Variants in MAGI2 observed in about 807,000 individuals in gnomAD.
MAGI2 encodes membrane-associated guanylate kinase, WW and PDZ domain-containing protein 2.
A neutral mutation model predicts 133.3 loss-of-function variants in MAGI2; 35 were observed. The ratio of observed to expected loss-of-function variants is 0.26; its 90% CI spans 0.20 to 0.35. MAGI2 has a LOEUF of 0.35. Ranked by LOEUF, MAGI2 falls within the 10% of genes least tolerant of loss-of-function variation. MAGI2 has a pLI of 1.00. For missense variants in MAGI2, 1,636 were observed against 1,863.4 expected, an observed-to-expected ratio of 0.88 and a Z score of 2.25; for synonymous variants, 729 against 710.6, an observed-to-expected ratio of 1.03 and a Z score of -0.41.
chr7:79,359,121 T>A (rs140490857), intron 1 of MAGI2, among the ~76,000 whole-genome samples: 1 of 151,936 alleles, frequency 6.6e-6, no homozygotes, highest in African/African-American at 2.4e-5. Flanking sequence ...TTGAAACAAA[T>A]GAAAACATTA....
intron 6 of MAGI2, among the ~76,000 whole-genome samples, chr7:78,422,269 C>A (rs888972991): frequency 2.6e-5 from 4 of 152,094 alleles, no homozygotes; most frequent in African/African-American, 9.7e-5. Context: ...ATTTGTCACA[C>A]TGATTGTAAA....
chr7:79,223,239 T>C (rs1362225548), intron 1 of MAGI2, among the ~76,000 whole-genome samples: 1 of 152,052 alleles, frequency 6.6e-6, no homozygotes, highest in Non-Finnish European at 1.5e-5. Context: ...ATGACAGTTC[T>C]CATTTATGTT....
At chr7:79,026,119 T>C (rs1809859114) in intron 1 of MAGI2, among the ~76,000 whole-genome samples, 1 of 152,196 alleles carries the variant, frequency 6.6e-6, no homozygotes, top group African/African-American at 2.4e-5. Context: ...TGAGGCTACA[T>C]TGCCTCTAGA....
chr7:78,455,066 T>C (rs59370246), intron 6 of MAGI2, among the ~76,000 whole-genome samples: 45,906 of 151,960 alleles, frequency 0.3, 8,959 homozygotes, highest in African/African-American at 0.56. Context: ...CAATGGACTT[T>C]AGTTAATAAT....
intron 1 of MAGI2, among the ~76,000 whole-genome samples, chr7:79,384,381 TG>T (rs1316266003): frequency 2.0e-5 from 3 of 151,536 alleles, no homozygotes; most frequent in Non-Finnish European, 4.4e-5. Context: ...AAGTCTGTTC[TG>T]TGAACTATTT....
intron 3 of MAGI2, among the ~76,000 whole-genome samples, chr7:78,573,056 TATATATATATATATATATATACACAC>T (rs1801703555): frequency 1.0e-5 from 1 of 99,216 alleles, no homozygotes; most frequent in South Asian, 3.1e-4. Context: ...TATATATATA[TATATATATATATATATATATACACAC>T]ACACACACAC....
chr7:78,135,438 GT>G (rs1209614340), intron 16 of MAGI2, among the ~76,000 whole-genome samples: 1 of 152,150 alleles, frequency 6.6e-6, no homozygotes, highest in Non-Finnish European at 1.5e-5. Context: ...CAGACCAGGG[GT>G]TCTCAAACTT....
chr7:79,176,737 G>A (rs895347574), intron 1 of MAGI2, among the ~76,000 whole-genome samples: 1 of 151,878 alleles, frequency 6.6e-6, no homozygotes, highest in Non-Finnish European at 1.5e-5. Flanking sequence ...CTGAGTTTGG[G>A]AGAACTTGAC....
chr7:78,976,991 C>T (rs944885122), intron 2 of MAGI2, among the ~76,000 whole-genome samples: 1 of 151,634 alleles, frequency 6.6e-6, no homozygotes, highest in African/African-American at 2.4e-5. Context: ...GATTAAAGGA[C>T]TCAATATTAA....
intron 5 of MAGI2, among the ~76,000 whole-genome samples, chr7:78,500,815 G>A (rs921901197): frequency 2.0e-5 from 3 of 152,008 alleles, no homozygotes; most frequent in East Asian, 1.9e-4. Flanking sequence ...TTGGCTGGGC[G>A]CAGTGGCTCA....
At chr7:78,226,616 C>A (rs1163840601) in intron 10 of MAGI2, among the ~76,000 whole-genome samples, 1 of 152,204 alleles carries the variant, frequency 6.6e-6, no homozygotes, top group Non-Finnish European at 1.5e-5. Context: ...ATTATATTTC[C>A]TCTCTTAAAC....
At chr7:78,867,255 G>A (rs1230662659) in intron 2 of MAGI2, among the ~76,000 whole-genome samples, 1 of 151,378 alleles carries the variant, frequency 6.6e-6, no homozygotes, top group African/African-American at 2.4e-5. Context: ...GTTTATTGCG[G>A]CATTATTCAC....
intron 1 of MAGI2, among the ~76,000 whole-genome samples, chr7:79,162,809 C>T (rs904500505): frequency 3.9e-5 from 6 of 152,042 alleles, no homozygotes; most frequent in African/African-American, 1.4e-4. Context: ...AAGCCTGTAA[C>T]ACAAACCAAA....
intron 10 of MAGI2, among the ~76,000 whole-genome samples, chr7:78,229,497 T>C (rs999849260): frequency 6.6e-6 from 1 of 152,182 alleles, no homozygotes; most frequent in African/African-American, 2.4e-5. Flanking sequence ...TACTGGGCTC[T>C]GTGTGGATTC....
intron 1 of MAGI2, among the ~76,000 whole-genome samples, chr7:79,381,854 C>T (rs768806605): frequency 3.3e-5 from 5 of 151,672 alleles, no homozygotes; most frequent in Non-Finnish European, 7.4e-5. Flanking sequence ...GTATTATAAA[C>T]ATGTTATTAG....
intron 10 of MAGI2, among the ~76,000 whole-genome samples, chr7:78,231,083 C>A (rs1283422248): frequency 2.0e-5 from 3 of 152,146 alleles, no homozygotes; most frequent in Non-Finnish European, 4.4e-5. Context: ...GAATATAAAT[C>A]ACTTGGGAGA....
At chr7:78,634,528 T>C (rs914956582) in intron 2 of MAGI2, among the ~76,000 whole-genome samples, 11 of 152,176 alleles carry the variant, frequency 7.2e-5, no homozygotes, top group South Asian at 6.2e-4. Flanking sequence ...AGTAGTATGA[T>C]TCTAAAAATA....
intron 3 of MAGI2, among the ~76,000 whole-genome samples, chr7:78,580,328 GC>G (rs962970725): frequency 6.6e-6 from 1 of 152,168 alleles, no homozygotes; most frequent in African/African-American, 2.4e-5. Context: ...ATGATGACTG[GC>G]CCTCTGTGCT....
chr7:78,575,898 A>G (rs1165156903), intron 3 of MAGI2, among the ~76,000 whole-genome samples: 1 of 152,174 alleles, frequency 6.6e-6, no homozygotes, highest in Non-Finnish European at 1.5e-5. Flanking sequence ...GGTAAAAACA[A>G]AAGAAATGTA....
Sources: gnomAD v4.1 joint callset for allele counts (sites outside exome capture counted in the v4.1 genomes callset) on GRCh38, gnomAD v4.1.1 for gene constraint, MANE v1.5 for transcripts, NCBI Gene and HGNC (gene_info 2026-07-23, HGNC 2026-07-21) for gene names.